The following FMNL2 variants were observed in gnomAD, a reference collection of about 807,000 sequenced individuals.
The protein encoded by FMNL2 is formin like 2.
In FMNL2, 51 loss-of-function variants were observed where a neutral mutation model predicts 130.2. That is an observed-to-expected ratio of 0.39 (90% CI 0.31 to 0.49). The LOEUF (loss-of-function observed/expected upper bound fraction) is 0.49. FMNL2 is among the 20% of genes least tolerant of loss of function. The pLI, the probability that FMNL2 is intolerant of heterozygous loss-of-function variation, is 0.85. For synonymous variants in FMNL2, 465 were observed against 467.1 expected, an observed-to-expected ratio of 1.00 and a Z score of 0.06; for missense variants, 977 against 1,316.2, an observed-to-expected ratio of 0.74 and a Z score of 3.99.
At chr2:152,358,661 A>T (rs966735484) in intron 1 of FMNL2, among the ~76,000 whole-genome samples, 1 of 150,268 alleles carries the variant, frequency 6.7e-6, no homozygotes, top group African/African-American at 2.5e-5. Context: ...TTCTGTGAAT[A>T]AACTTCCTTC....
At chr2:152,510,276 A>G (rs1426726055) in intron 1 of FMNL2, among the ~76,000 whole-genome samples, 1 of 152,214 alleles carries the variant, frequency 6.6e-6, no homozygotes, top group East Asian at 1.9e-4. Context: ...ATTCTGTTAG[A>G]CAATAATTAT....
chr2:152,534,564 C>CTTTTTTT (rs10719527), intron 2 of FMNL2, among the ~76,000 whole-genome samples: 1 of 131,570 alleles, frequency 7.6e-6, no homozygotes. Flanking sequence ...CTTATTTTGT[C>CTTTTTTT]TTTTTTTTTT....
In FMNL2 at chr2:152,648,126, GGATTT is replaced by G. The variant is rs1326635228; in HGVS notation, c.*231_*235del. 8.3e-6 allele frequency: 4 copies of G among 481,818 alleles called. No homozygotes were observed. The highest frequency in any genetic ancestry group is 4.0e-5 in the African/African-American group (2 of 49,520). The allele number at this position is 481,818 out of a possible 1,614,324, so 29.8% of individuals were successfully genotyped here. On this transcript the variant is annotated 3_prime_UTR_variant, in exon 26 of 26. Transcript: ENST00000288670. ...CCTGTTCAGATTAATCAAAGCAATA[GGATTT>G]GATTTGATTAGGTATCTTTTTACAC...
At chr2:152,496,003 T>TAAAAA (rs10624832) in intron 1 of FMNL2, among the ~76,000 whole-genome samples, 2 of 151,866 alleles carry the variant, frequency 1.3e-5, no homozygotes, top group Admixed American at 6.6e-5. Flanking sequence ...ATTTCAGACT[T>TAAAAA]AAAAAAAGTT....
At chr2:152,601,674 T>C (rs1469513288) in intron 9 of FMNL2, among the ~76,000 whole-genome samples, 5 of 145,648 alleles carry the variant, frequency 3.4e-5, no homozygotes, top group Non-Finnish European at 3.0e-5. Flanking sequence ...TTTCTTTCTT[T>C]TTTTTTTTTT....
At chr2:152,408,294 C>T (rs1055850423) in intron 1 of FMNL2, among the ~76,000 whole-genome samples, 1 of 152,078 alleles carries the variant, frequency 6.6e-6, no homozygotes, top group African/African-American at 2.4e-5. Context: ...GTATCTTTAT[C>T]GTAGCCCTAA....
intron 1 of FMNL2, among the ~76,000 whole-genome samples, chr2:152,407,041 A>AT (rs1262096519): frequency 6.6e-6 from 1 of 151,982 alleles, no homozygotes; most frequent in African/African-American, 2.4e-5. Context: ...GGAAAATATT[A>AT]TTTTCCATAC....
chr2:152,540,008 TGAACCTGG>T (rs1488012373), intron 2 of FMNL2, among the ~76,000 whole-genome samples: 4 of 152,184 alleles, frequency 2.6e-5, no homozygotes, highest in Non-Finnish European at 5.9e-5. Flanking sequence ...GAGGATTGCT[TGAACCTGG>T]GAAGTCGAGG....
At position 152,589,910 on chromosome 2, in the gene FMNL2, C is replaced by T. The variant is rs150377173; in HGVS notation, c.876+8861C>T. Among the ~76,000 whole-genome samples, 643 of 140,730 alleles carry T rather than the reference C, an allele frequency of 4.6e-3. 5 individuals are homozygous for T. Among genetic ancestry groups the T allele is most frequent in the Non-Finnish European group, 7.6e-3 (498 of 65,948 alleles). The allele number at this position is 140,730 out of a possible 152,430, so 92.3% of individuals were successfully genotyped here. ...TCAGCCTCCTGAGTAGCTGGGACTA[C>T]AGGCATGTACCACCACACCTGGCTT... On this transcript the variant is annotated intron_variant, in intron 9 of 25. Transcript: ENST00000288670.
chr2:152,427,761 A>G (rs1020856387), intron 1 of FMNL2, among the ~76,000 whole-genome samples: 4 of 152,188 alleles, frequency 2.6e-5, no homozygotes, highest in African/African-American at 9.6e-5. Flanking sequence ...GATAACCTCT[A>G]TGAAGCTTCT....
intron 1 of FMNL2, among the ~76,000 whole-genome samples, chr2:152,396,984 A>G (rs1011490273): frequency 2.0e-5 from 3 of 152,218 alleles, no homozygotes; most frequent in East Asian, 3.8e-4. Context: ...TCACTATTCC[A>G]TGAATTTGTA....
At chr2:152,558,684 A>G in intron 4 of FMNL2, 56 bp from the exon 5 acceptor site, 3 of 1,496,772 alleles carry the variant, frequency 2.0e-6, no homozygotes, top group South Asian at 1.2e-5. Flanking sequence ...TGTCCGTTCC[A>G]TGGCAGGTCA....
At chr2:152,403,791 C>T (rs1381157583) in intron 1 of FMNL2, among the ~76,000 whole-genome samples, 4 of 152,152 alleles carry the variant, frequency 2.6e-5, no homozygotes, top group Non-Finnish European at 4.4e-5. Context: ...AATGTAGGGC[C>T]GGGCACAGTG....
chr2:152,381,810 CT>C (rs3047878), intron 1 of FMNL2, among the ~76,000 whole-genome samples: 5 of 149,992 alleles, frequency 3.3e-5, no homozygotes, highest in African/African-American at 2.4e-5. Context: ...CAAAGCAGAA[CT>C]TTTTTTTTTT....
At chr2:152,499,123 T>A (rs769560385) in intron 1 of FMNL2, among the ~76,000 whole-genome samples, 3 of 152,208 alleles carry the variant, frequency 2.0e-5, no homozygotes, top group Admixed American at 2.0e-4. Flanking sequence ...TGGTCAGCTA[T>A]GTTTTCTGTG....
At position 152,591,213 on chromosome 2, in the gene FMNL2, A is replaced by G. The variant is rs1580042391; in HGVS notation, c.876+10164A>G. On this transcript the variant is annotated intron_variant, in intron 9 of 25. Transcript: ENST00000288670. ...TTTAGTAGAGATGGGGTTTCACCAT[A>G]TTGGCCAGACTGGTCTCGAACTCCT... Among the ~76,000 whole-genome samples the G allele has an allele frequency of 2.0e-5, 3 of 151,582 alleles. No individual in the cohort carries two copies. In the South Asian group the frequency reaches 6.3e-4, roughly 32 times the overall value.
At chr2:152,560,250 G>C (rs1198676782) in intron 5 of FMNL2, among the ~76,000 whole-genome samples, 1 of 150,542 alleles carries the variant, frequency 6.6e-6, no homozygotes, top group Non-Finnish European at 1.5e-5. Context: ...TAAAAACTTT[G>C]TTCCTAAAAC....
chr2:152,580,334 A>T (rs1338144112), intron 8 of FMNL2, among the ~76,000 whole-genome samples: 1 of 152,224 alleles, frequency 6.6e-6, no homozygotes, highest in Non-Finnish European at 1.5e-5. Context: ...AAAATATTTC[A>T]GATTGAGTTT....
chr2:152,444,783 A>G (rs1434488328), intron 1 of FMNL2, among the ~76,000 whole-genome samples: 3 of 152,224 alleles, frequency 2.0e-5, no homozygotes, highest in African/African-American at 4.8e-5. Context: ...TTGAATGTTC[A>G]GCAAGCCTAT....
Sources: gnomAD v4.1 joint callset for allele counts (sites outside exome capture counted in the v4.1 genomes callset) on GRCh38, gnomAD v4.1.1 for gene constraint, MANE v1.5 for transcripts, NCBI Gene and HGNC (gene_info 2026-07-23, HGNC 2026-07-21) for gene names.